MRO: variants seen among roughly 807,000 people sequenced by gnomAD.
The protein encoded by MRO is maestro.
In MRO, 28 loss-of-function variants were observed where a neutral mutation model predicts 31.0. The ratio of observed to expected loss-of-function variants is 0.90; its 90% CI spans 0.67 to 1.24. The LOEUF (loss-of-function observed/expected upper bound fraction) is 1.24, where lower values mean the gene tolerates loss of function less well. Among genes scored for constraint, MRO ranks in the 50% most tolerant of loss-of-function variants. The pLI is 0.00. For missense variants in MRO, 332 were observed against 289.2 expected (o/e 1.15, Z -1.07); for synonymous variants, 108 against 108.4 (o/e 1.00, Z 0.02).
chr18:50,809,377 G>T lies in MRO; in HGVS notation c.24C>A (p.Ile8=), dbSNP rs371993193. 1.9e-6 allele frequency: 3 copies of T among 1,613,530 alleles called. No homozygotes were observed. The African/African-American group carries it at 4.0e-5, about 22-fold the overall frequency. MDQRQRR[I]LGQPLSIPTS... is the part of the protein sequence containing the mutation. ...TAGGGATGGAAAGGGGCTGGCCCAGGATTCTCCTCTGTCTTTGGTCCATGG... is the reference window on the plus strand; with the variant it reads ...TAGGGATGGAAAGGGGCTGGCCCAGTATTCTCCTCTGTCTTTGGTCCATGG... Residue 8 remains isoleucine, a synonymous_variant, in exon 3 of 8, where the codon ATC becomes ATA. Transcript: ENST00000398439.
chr18:50,800,037 A>G lies in MRO; in HGVS notation c.692T>C (p.Leu231Pro). Residue 231 changes from leucine to proline, a missense_variant and splice_region_variant, in exon 7 of 8, where the codon CTG (leucine) becomes CCG (proline). Transcript: ENST00000398439. ...DQRNTKLYQQ[L>P]SHYHPEILQF... ...TCTCTCCTACCCTGGCTCACTCACC[A>G]GCTGCTGGTAGAGCTTAGTGTTCCT... The G allele has an allele frequency of 6.2e-7, 1 of 1,610,234 alleles. No homozygotes were observed. The highest frequency in any genetic ancestry group is 8.5e-7 in the Non-Finnish European group (1 of 1,176,794).
intron 5 of MRO, 59 bp downstream of exon 5, chr18:50,805,095 A>T: frequency 6.9e-7 from 1 of 1,448,758 alleles, no homozygotes; most frequent in Non-Finnish European, 9.6e-7. Flanking sequence ...CCGGCCCCAC[A>T]GTCATATTTC....
At chr18:50,820,173 C>A, upstream of MRO, 1 of 594,556 alleles carries the variant, frequency 1.7e-6, no homozygotes, top group Non-Finnish European at 3.0e-6. Flanking sequence ...CCTGTTAGAG[C>A]GCATTTAATC....
At chr18:50,815,861 C>A (rs1914874257) in intron 2 of MRO, 1 of 174,496 alleles carries the variant, frequency 5.7e-6, no homozygotes, top group African/African-American at 2.4e-5. Flanking sequence ...TGGTGAAACC[C>A]CGTCTCTACT....
chr18:50,824,508 G>A (rs1283993279), upstream of MRO, among the ~76,000 whole-genome samples: 1 of 147,540 alleles, frequency 6.8e-6, no homozygotes, highest in African/African-American at 2.5e-5. Context: ...AGACTGGAGT[G>A]CAATATTGCG....
intron 2 of MRO, chr18:50,815,113 CAGAG>C (rs1914796079): frequency 4.5e-6 from 1 of 220,566 alleles, no homozygotes; most frequent in East Asian, 1.3e-4. Flanking sequence ...GAGTGGAAAA[CAGAG>C]AGGATTTGCT....
chr18:50,804,438 C>A (rs1913708674), intron 5 of MRO, among the ~76,000 whole-genome samples: 1 of 152,124 alleles, frequency 6.6e-6, no homozygotes. Flanking sequence ...CTAGCCTGGG[C>A]AATATAGTGA....
intron 6 of MRO, 105 bp from the exon 7 acceptor site, chr18:50,800,248 T>C: frequency 1.4e-6 from 1 of 693,890 alleles, no homozygotes; most frequent in Middle Eastern, 4.1e-4. Flanking sequence ...AGGGGCCCAC[T>C]GAAAGTGTGA....
In MRO at chr18:50,796,764, T is replaced by A. The variant is rs559573429; in HGVS notation, c.*2573A>T. On this transcript the variant is annotated 3_prime_UTR_variant, in exon 8 of 8. Coordinates refer to ENST00000398439, the MANE Select transcript of MRO (RefSeq NM_031939.6). ...GAAAACGAAGGTTGAAAGCCTGAAA[T>A]GGCAGACTGGACATTGGACTTTATT... The A allele has an allele frequency of 6.6e-6, 1 of 152,350 alleles. No homozygotes were observed. The highest frequency in any genetic ancestry group is 2.4e-5 in the African/African-American group (1 of 41,572). 9.4% of individuals were successfully genotyped at this position (152,350 alleles called of 1,614,324 possible). A position where few individuals can be genotyped will look rare whatever the true frequency, so the allele number is the denominator to read the frequency against.
In MRO at chr18:50,806,191, TC is replaced by T. The variant is rs1913906764; in HGVS notation, c.246+512del. On this transcript the variant is annotated intron_variant, in intron 4 of 7. Transcript: ENST00000398439. ...TTCAAGTGGTCCACCCGCCTTGGCC[TC>T]CCAAAGTGCTGGAACTGCAGGCGTG... Among the ~76,000 whole-genome samples the T allele has an allele frequency of 2.6e-5, 4 of 152,222 alleles. No individual in the cohort carries two copies. The South Asian group carries it at 8.3e-4, about 32-fold the overall frequency.
upstream of MRO, chr18:50,820,047 T>G (rs55661535): frequency 1.5e-3 from 1,874 of 1,275,060 alleles, 34 homozygotes; most frequent in African/African-American, 0.022. Context: ...AAACAAAACC[T>G]CCCTGCCAAG....
Position 50,796,398 on chromosome 18 carries a change from T to TAA in MRO, c.*2937_*2938dup, listed in dbSNP as rs10681213. On this transcript the variant is annotated 3_prime_UTR_variant, in exon 8 of 8. Transcript: ENST00000398439. ...CTTCTGTAGTTTCAATCTAACAGGATAAAAAAAAAAACATAAAGCCATATA... is the reference window on the plus strand; with the variant it reads ...CTTCTGTAGTTTCAATCTAACAGGATAAAAAAAAAAAAACATAAAGCCATATA... 0.45 allele frequency: 66,823 copies of TAA among 147,998 alleles called. 15,063 individuals carry two copies. Among genetic ancestry groups the TAA allele is most frequent in the Non-Finnish European group, 0.48 (32,432 of 67,242 alleles). The allele number at this position is 147,998 out of a possible 1,614,324, so 9.2% of individuals were successfully genotyped here.
chr18:50,824,451 T>TTTC (rs1568141543), upstream of MRO, among the ~76,000 whole-genome samples: 1 of 150,790 alleles, frequency 6.6e-6, no homozygotes, highest in Admixed American at 6.6e-5. Flanking sequence ...TTCTTTTTTT[T>TTTC]TTTCTTTCTT....
intron 2 of MRO, chr18:50,816,270 T>C (rs1568136532): frequency 6.6e-6 from 1 of 152,488 alleles, no homozygotes; most frequent in Non-Finnish European, 1.5e-5. Context: ...AAAGTGCAGC[T>C]ATTGATAATG....
chr18:50,802,916 A>AGTGT (rs71735972), intron 5 of MRO, among the ~76,000 whole-genome samples: 5,069 of 144,656 alleles, frequency 0.035, 238 homozygotes, highest in East Asian at 0.13. Flanking sequence ...GTGTGTGTGT[A>AGTGT]GTGTGTGTGT....
intron 4 of MRO, 21 bp from the exon 5 acceptor site, chr18:50,805,357 GC>G (rs751067703): frequency 6.2e-7 from 1 of 1,609,628 alleles, no homozygotes; most frequent in Non-Finnish European, 8.5e-7. Context: ...GGTTTGAAAA[GC>G]AGTAATAGCA....
At chr18:50,813,914 C>T (rs968865109) in intron 2 of MRO, among the ~76,000 whole-genome samples, 1 of 152,172 alleles carries the variant, frequency 6.6e-6, no homozygotes, top group African/African-American at 2.4e-5. Context: ...AGTGACAAAA[C>T]AATCTGTACT....
rs1009559013 is a variant in MRO at position 50,806,707 on chromosome 18, G to A, written c.243C>T (p.Asp81=). 1.2e-6 allele frequency: 2 copies of A among 1,614,124 alleles called. No homozygotes were observed. The highest frequency in any genetic ancestry group is 2.7e-5 in the African/African-American group (2 of 75,052). The change falls in exon 4 of 8, where the codon GAC becomes GAT. Residue 81 remains aspartate, a synonymous_variant. Coordinates refer to ENST00000398439, the MANE Select transcript of MRO (RefSeq NM_031939.6). ...NLGTMAYEAP[D]KVRKYKKIVL... ...GAGCCCCACTCTCCTTCCCTACCTT[G>A]TCAGGGGCTTCATAGGCCATGGTTC... is the stretch of plus-strand genomic sequence containing the variant.
chr18:50,799,232 T>C lies in MRO; in HGVS notation c.*105A>G. 1.0e-6 allele frequency: 1 copy of C among 983,710 alleles called. No individual in the cohort carries two copies. The highest frequency in any genetic ancestry group is 1.6e-6 in the Non-Finnish European group (1 of 619,492). The allele number at this position is 983,710 out of a possible 1,614,324, so 60.9% of individuals were successfully genotyped here. A position where few individuals can be genotyped will look rare whatever the true frequency, so the allele number is the denominator to read the frequency against. On this transcript the variant is annotated 3_prime_UTR_variant, in exon 8 of 8. Coordinates refer to ENST00000398439, the MANE Select transcript of MRO (RefSeq NM_031939.6). The stretch of plus-strand genomic sequence containing the variant: ...CCCAGCACCCTCTTTCCCATTACAA[T>C]CCCAAGAGGCAAGCAGTGAGAAGAG...
Sources: allele counts gnomAD v4.1 joint callset (sites outside exome capture counted in the v4.1 genomes callset), GRCh38; gene constraint gnomAD v4.1.1; transcripts MANE v1.5; gene names NCBI Gene and HGNC (gene_info 2026-07-23, HGNC 2026-07-21).